XPR1: variants seen among roughly 807,000 people sequenced by gnomAD.
The protein encoded by XPR1 is xenotropic and polytropic retrovirus receptor 1, also known as solute carrier family 53 member 1.
Under a neutral mutation model 87.5 loss-of-function variants are expected in XPR1, and 28 were observed. The ratio of observed to expected loss-of-function variants is 0.32; its 90% CI spans 0.24 to 0.44. The LOEUF is 0.44. XPR1 is among the 20% of genes least tolerant of loss of function. The pLI is 1.00. For synonymous variants in XPR1, 300 were observed against 306.1 expected (o/e 0.98, Z 0.21); for missense variants, 559 against 862.3 (o/e 0.65, Z 4.41).
At position 180,774,760 on chromosome 1, in the gene XPR1, T is replaced by G. The variant is rs1289407793; in HGVS notation, c.122-12993T>G. Among the ~76,000 whole-genome samples the G allele has an allele frequency of 2.0e-5, 3 of 152,188 alleles. No homozygotes were observed. In the East Asian group the frequency reaches 5.8e-4, roughly 29 times the overall value. On this transcript the variant is annotated intron_variant, in intron 2 of 14. Coordinates refer to ENST00000367590, the MANE Select transcript of XPR1 (RefSeq NM_004736.4). Reference sequence around the variant, plus strand: ...AATATTGATGTTCATCATAAATGTGTTTTCTCTTTAGCTATATGTCTTAGT... The same window carrying G: ...AATATTGATGTTCATCATAAATGTGGTTTCTCTTTAGCTATATGTCTTAGT...
chr1:180,811,593 G>A (rs888532241), intron 7 of XPR1, 105 bp downstream of exon 7: 2 of 876,972 alleles, frequency 2.3e-6, no homozygotes, highest in Non-Finnish European at 3.4e-6. Context: ...GCTACTGAAA[G>A]ATAAATCTAT....
chr1:180,708,873 G>GTA (rs936370217), intron 2 of XPR1, among the ~76,000 whole-genome samples: 1 of 132,596 alleles, frequency 7.5e-6, no homozygotes, highest in African/African-American at 2.8e-5. Context: ...TCAGATAGCT[G>GTA]TAGTCTTATA....
intron 1 of XPR1, among the ~76,000 whole-genome samples, chr1:180,673,078 G>T (rs1557949941): frequency 1.3e-5 from 2 of 152,146 alleles, no homozygotes; most frequent in African/African-American, 4.8e-5. Flanking sequence ...AATATTTATA[G>T]TATGTTGTGT....
chr1:180,702,415 T>C (rs1394256133), intron 2 of XPR1, among the ~76,000 whole-genome samples: 4 of 151,356 alleles, frequency 2.6e-5, no homozygotes, highest in Non-Finnish European at 5.9e-5. Context: ...TATATTCTGT[T>C]GATTTGGGGT....
At chr1:180,759,592 A>G (rs1647912298) in intron 2 of XPR1, among the ~76,000 whole-genome samples, 1 of 152,324 alleles carries the variant, frequency 6.6e-6, no homozygotes, top group African/African-American at 2.4e-5. Flanking sequence ...GAATAGACCA[A>G]TAACAGGCTC....
At position 180,632,149 on chromosome 1, in the gene XPR1, C is replaced by G. The variant is rs1028262398; in HGVS notation, c.-53C>G. On this transcript the variant is annotated 5_prime_UTR_variant, in exon 1 of 15. Coordinates refer to ENST00000367590, the MANE Select transcript of XPR1 (RefSeq NM_004736.4). The stretch of plus-strand genomic sequence containing the variant: ...GGGGAGGAGTCGGAGTCGCTGTTGC[C>G]GCCGCCGCCTGTAGCTGCTGGACCC... 6 of 1,566,288 alleles carry G rather than the reference C, an allele frequency of 3.8e-6. No homozygotes were observed. In the African/African-American group the frequency reaches 5.4e-5, roughly 14 times the overall value.
At chr1:180,699,456 T>C (rs2101968593) in intron 2 of XPR1, among the ~76,000 whole-genome samples, 1 of 103,138 alleles carries the variant, frequency 9.7e-6, no homozygotes, top group Non-Finnish European at 1.9e-5. Flanking sequence ...TGAGTGAGAA[T>C]ATGCGGTGTT....
At chr1:180,747,987 T>C (rs1647327935) in intron 2 of XPR1, among the ~76,000 whole-genome samples, 1 of 152,216 alleles carries the variant, frequency 6.6e-6, no homozygotes, top group Non-Finnish European at 1.5e-5. Context: ...CACTTAAACA[T>C]TTACAAACAA....
intron 2 of XPR1, among the ~76,000 whole-genome samples, chr1:180,767,948 C>T (rs1040297127): frequency 9.2e-5 from 14 of 152,142 alleles, no homozygotes; most frequent in African/African-American, 2.9e-4. Flanking sequence ...GGGTTCACAC[C>T]GTTCTCCTGC....
chr1:180,707,516 A>G (rs1657598526), intron 2 of XPR1, among the ~76,000 whole-genome samples: 1 of 152,166 alleles, frequency 6.6e-6, no homozygotes, highest in Non-Finnish European at 1.5e-5. Context: ...TGGACTTGAG[A>G]GATTCTACCT....
At chr1:180,878,988 C>T (rs1652754654) in intron 13 of XPR1, among the ~76,000 whole-genome samples, 1 of 152,150 alleles carries the variant, frequency 6.6e-6, no homozygotes, top group Non-Finnish European at 1.5e-5. Flanking sequence ...TTCCCTTGAA[C>T]TGCAGACTCT....
chr1:180,676,161 CAG>C (rs1047247155), intron 1 of XPR1, among the ~76,000 whole-genome samples: 10 of 152,132 alleles, frequency 6.6e-5, no homozygotes, highest in African/African-American at 2.2e-4. Flanking sequence ...TATTACATAT[CAG>C]AGATTCTACT....
At position 180,824,692 on chromosome 1, in the gene XPR1, A is replaced by G. The variant is rs142312538; in HGVS notation, c.764-61A>G. The G allele has an allele frequency of 1.3e-4, 180 of 1,408,918 alleles. 1 individual carries two copies. The African/African-American group carries it at 2.3e-3, about 18-fold the overall frequency. 87.3% of individuals were successfully genotyped at this position (1,408,918 alleles called of 1,614,324 possible). On this transcript the variant is annotated intron_variant, in intron 7 of 14. Coordinates refer to ENST00000367590, the MANE Select transcript of XPR1 (RefSeq NM_004736.4). ...ATATCATTGAGAATGAAGACAAAAG[A>G]TTATTAATTCAAGGGAAGTTATGAA...
chr1:180,643,562 G>A (rs1242964104), intron 1 of XPR1, among the ~76,000 whole-genome samples: 3 of 152,162 alleles, frequency 2.0e-5, no homozygotes, highest in Non-Finnish European at 2.9e-5. Context: ...TTTGTTGAAT[G>A]AATTATCTCA....
chr1:180,823,672 C>T (rs538207754), intron 7 of XPR1, among the ~76,000 whole-genome samples: 1 of 152,202 alleles, frequency 6.6e-6, no homozygotes, highest in East Asian at 1.9e-4. Flanking sequence ...TACTGGCGAG[C>T]CATAGAATAA....
At chr1:180,881,515 C>T (rs981209318) in intron 14 of XPR1, among the ~76,000 whole-genome samples, 83 of 152,106 alleles carry the variant, frequency 5.5e-4, no homozygotes, top group African/African-American at 2.0e-3. Flanking sequence ...AAGTAGTATC[C>T]TAGGAAGTTT....
At position 180,770,115 on chromosome 1, in the gene XPR1, C is replaced by G. The variant is rs573567570; in HGVS notation, c.122-17638C>G. ...ATCTCTGTAGTTGTCTTTGACATAG[C>G]CTTTTGCTTCAGTGCTCAGCTACCT... On this transcript the variant is annotated intron_variant, in intron 2 of 14. Transcript: ENST00000367590. Among the ~76,000 whole-genome samples, 524 of 152,236 alleles carry G rather than the reference C, an allele frequency of 3.4e-3. 4 individuals are homozygous for G. Among genetic ancestry groups the G allele is most frequent in the African/African-American group, 0.012 (515 of 41,554 alleles).
intron 9 of XPR1, among the ~76,000 whole-genome samples, chr1:180,833,913 T>C (rs1283201494): frequency 6.6e-6 from 1 of 152,142 alleles, no homozygotes; most frequent in Non-Finnish European, 1.5e-5. Context: ...GAAACATTAT[T>C]CTCCTTAACT....
intron 11 of XPR1, among the ~76,000 whole-genome samples, chr1:180,840,138 G>T (rs1314402663): frequency 6.6e-6 from 1 of 151,144 alleles, no homozygotes; most frequent in African/African-American, 2.4e-5. Context: ...CAGGAGAATG[G>T]CGTGAACCCG....
Sources: gnomAD v4.1 joint callset for allele counts (sites outside exome capture counted in the v4.1 genomes callset) on GRCh38, gnomAD v4.1.1 for gene constraint, MANE v1.5 for transcripts, NCBI Gene and HGNC (gene_info 2026-07-23, HGNC 2026-07-21) for gene names.